EIF2AK4: variants seen among roughly 807,000 people sequenced by gnomAD.
EIF2AK4 encodes the protein eukaryotic translation initiation factor 2 alpha kinase 4.
Under a neutral mutation model 211.1 loss-of-function variants are expected in EIF2AK4, and 139 were observed. The observed-to-expected ratio is 0.66, with a 90% confidence interval of 0.57 to 0.76. The LOEUF is 0.76. EIF2AK4 is among the 30% of genes least tolerant of loss of function. The pLI is 0.00. For missense variants in EIF2AK4, 1,664 were observed against 2,043.8 expected, an observed-to-expected ratio of 0.81 and a Z score of 3.58; for synonymous variants, 710 against 751.3, an observed-to-expected ratio of 0.94 and a Z score of 0.90.
chr15:40,020,179 G>A (rs28546648), intron 30 of EIF2AK4, among the ~76,000 whole-genome samples: 43 of 138,100 alleles, frequency 3.1e-4, no homozygotes, highest in Non-Finnish European at 6.0e-4. Context: ...AAAAAAAAAA[G>A]AAAAAAGAAA....
intron 30 of EIF2AK4, among the ~76,000 whole-genome samples, chr15:40,020,252 A>G (rs2140944998): frequency 6.6e-6 from 1 of 151,716 alleles, no homozygotes; most frequent in South Asian, 2.1e-4. Context: ...CTTGTATTTC[A>G]GGCAAGATTA....
At chr15:39,984,152 A>G (rs1341909016) in intron 13 of EIF2AK4, among the ~76,000 whole-genome samples, 2 of 152,212 alleles carry the variant, frequency 1.3e-5, no homozygotes, top group Non-Finnish European at 2.9e-5. Flanking sequence ...GTCAAAGATC[A>G]GATGGTTGCA....
intron 4 of EIF2AK4, among the ~76,000 whole-genome samples, chr15:39,951,212 A>C (rs144631366): frequency 8.3e-4 from 126 of 152,236 alleles, no homozygotes; most frequent in African/African-American, 2.9e-3. Context: ...TTTTTGAGAC[A>C]GACTTTCGCT....
At chr15:40,025,811 C>T (rs908433335) in intron 32 of EIF2AK4, among the ~76,000 whole-genome samples, 166 bp from the exon 33 acceptor site, 2 of 152,140 alleles carry the variant, frequency 1.3e-5, no homozygotes, top group African/African-American at 4.8e-5. Context: ...TTGCACCATC[C>T]AAAAATGTCA....
intron 5 of EIF2AK4, among the ~76,000 whole-genome samples, chr15:39,954,340 C>T (rs956102955): frequency 6.6e-6 from 1 of 152,214 alleles, no homozygotes; most frequent in African/African-American, 2.4e-5. Flanking sequence ...GTAACCTCCA[C>T]CTCCCAGGTT....
chr15:39,954,898 G>A (rs2034368428), intron 5 of EIF2AK4, among the ~76,000 whole-genome samples: 1 of 152,212 alleles, frequency 6.6e-6, no homozygotes, highest in Admixed American at 6.5e-5. Flanking sequence ...CAGCTTTCCT[G>A]CTGCCTCACT....
rs756470540 is a variant in EIF2AK4 at position 40,032,298 on chromosome 15, C to G, written c.4728+61C>G. 9 of 1,502,348 alleles carry G rather than the reference C, an allele frequency of 6.0e-6. No homozygotes were observed. In the East Asian group the frequency reaches 1.8e-4, roughly 30 times the overall value. The allele number at this position is 1,502,348 out of a possible 1,614,324, so 93.1% of individuals were successfully genotyped here. ...CTGTCCATACTGTCAAAGTAGTTGCCTCAGGGTTCAGAGCTTTTTTGCTCA... is the reference window on the plus strand; with the variant it reads ...CTGTCCATACTGTCAAAGTAGTTGCGTCAGGGTTCAGAGCTTTTTTGCTCA... On this transcript the variant is annotated intron_variant, in intron 36 of 38. Transcript: ENST00000263791.
Position 39,949,274 on chromosome 15 carries a change from A to G in EIF2AK4, c.513+6A>G. 1 of 1,613,482 alleles carries G rather than the reference A, an allele frequency of 6.2e-7. No individual in the cohort carries two copies. The highest frequency in any genetic ancestry group is 8.5e-7 in the Non-Finnish European group (1 of 1,179,570). ...AGCGGAAAGAAGAGCAGGAGGTGAG[A>G]TGCCCTTGTCGATGTCTGTGTGCAT... On this transcript the variant is annotated splice_donor_region_variant and intron_variant, in intron 4 of 38. Coordinates refer to ENST00000263791, the MANE Select transcript of EIF2AK4 (RefSeq NM_001013703.4).
chr15:39,959,967 G>T (rs113826454), intron 6 of EIF2AK4, among the ~76,000 whole-genome samples: 2,963 of 152,088 alleles, frequency 0.019, 88 homozygotes, highest in African/African-American at 0.062. Context: ...ATCGAGACCA[G>T]CCTGGCTAAC....
At chr15:39,988,714 A>G (rs2034900533) in intron 15 of EIF2AK4, among the ~76,000 whole-genome samples, 1 of 152,148 alleles carries the variant, frequency 6.6e-6, no homozygotes, top group South Asian at 2.1e-4. Context: ...GTGCTTTAGA[A>G]TTAGGGCCAG....
chr15:40,004,259 T>A (rs1255013786), intron 23 of EIF2AK4, among the ~76,000 whole-genome samples: 1 of 152,224 alleles, frequency 6.6e-6, no homozygotes, highest in Non-Finnish European at 1.5e-5. Context: ...AATCCCACTT[T>A]GAGCAATTTA....
chr15:40,035,004 ATATCT>A lies in EIF2AK4; in HGVS notation c.4893-21_4893-17del, dbSNP rs2035596143. ...CACTCATTAAACTGAGTCTGTCCTTATATCTTTTCTTTTCTTTTGCAGGGTGTCTG... is the reference window on the plus strand; with the variant it reads ...CACTCATTAAACTGAGTCTGTCCTTATTTCTTTTCTTTTGCAGGGTGTCTG... On this transcript the variant is annotated intron_variant, in intron 38 of 38. Transcript: ENST00000263791. 1 of 1,563,000 alleles carries A rather than the reference ATATCT, an allele frequency of 6.4e-7. No homozygotes were observed.
intron 34 of EIF2AK4, among the ~76,000 whole-genome samples, chr15:40,030,125 A>AC (rs1222128795): frequency 2.0e-5 from 3 of 150,662 alleles, no homozygotes; most frequent in Non-Finnish European, 4.4e-5. Context: ...CCCTTCCACC[A>AC]CCCCCCAACC....
At position 40,030,472 on chromosome 15, in the gene EIF2AK4, GTT is replaced by G. The variant is rs1297805442; in HGVS notation, c.4659+18_4659+19del. ...TGAAACTCAGGTACACTGGGTCAGG[GTT>G]TCTTTGGCTTTCTAATATGAGTTAC... On this transcript the variant is annotated intron_variant, in intron 35 of 38. Coordinates refer to ENST00000263791, the MANE Select transcript of EIF2AK4 (RefSeq NM_001013703.4). 6.2e-7 allele frequency: 1 copy of G among 1,609,242 alleles called. No homozygotes were observed. Among genetic ancestry groups the G allele is most frequent in the Admixed American group, 1.7e-5 (1 of 59,486 alleles).
intron 2 of EIF2AK4, among the ~76,000 whole-genome samples, chr15:39,941,876 A>T (rs1455551910): frequency 1.3e-5 from 2 of 152,236 alleles, no homozygotes; most frequent in African/African-American, 2.4e-5. Context: ...GAATCATGGC[A>T]CTAGATAACT....
chr15:40,008,028 T>C lies in EIF2AK4; in HGVS notation c.3409T>C (p.Tyr1137His). ...ARNNILNLKRYCIERVFRPRK... is the reference protein window; with the variant it reads ...ARNNILNLKRHCIERVFRPRK... ...AGAAATCTGGGTTTCTCTCTCCAGA[T>C]ACTGCATAGAACGTGTGTTCAGGCC... is the stretch of plus-strand genomic sequence containing the variant. The change falls in exon 25 of 39, where the codon TAC becomes CAC. Residue 1137 changes from tyrosine to histidine, a missense_variant and splice_region_variant. This residue lies in a region of EIF2AK4 where 622 missense variants were observed against 796.8 expected (regional missense o/e 0.78). Transcript: ENST00000263791. 6.4e-7 allele frequency: 1 copy of C among 1,571,268 alleles called. No individual in the cohort carries two copies. The highest frequency in any genetic ancestry group is 8.6e-7 in the Non-Finnish European group (1 of 1,161,202).
At chr15:39,945,116 T>C (rs2034209103) in intron 3 of EIF2AK4, among the ~76,000 whole-genome samples, 1 of 152,106 alleles carries the variant, frequency 6.6e-6, no homozygotes, top group East Asian at 1.9e-4. Flanking sequence ...ACCTCTGGTT[T>C]CTTGGATTTT....
intron 17 of EIF2AK4, 173 bp from the exon 18 acceptor site, chr15:39,992,596 C>T (rs1566997186): frequency 1.6e-6 from 1 of 620,934 alleles, no homozygotes; most frequent in Non-Finnish European, 2.9e-6. Flanking sequence ...GAATGTGTGG[C>T]CATACGTGAC....
intron 27 of EIF2AK4, among the ~76,000 whole-genome samples, chr15:40,015,487 CACTATCATGAG>C (rs1264822463): frequency 1.3e-5 from 2 of 152,110 alleles, no homozygotes; most frequent in African/African-American, 4.8e-5. Context: ...GAGACTTATT[CACTATCATGAG>C]ACTATCATGG....
Sources: gnomAD v4.1 joint callset for allele counts (sites outside exome capture counted in the v4.1 genomes callset) on GRCh38, gnomAD v4.1.1 for gene constraint, gnomAD v4.1.1 regional missense constraint, MANE v1.5 for transcripts, NCBI Gene and HGNC (gene_info 2026-07-23, HGNC 2026-07-21) for gene names.